Variants in MKLN1 observed in about 807,000 individuals in gnomAD.
MKLN1 encodes the protein muskelin.
MKLN1 carries 18 observed loss-of-function variants against 99.0 expected under a neutral mutation model. The observed-to-expected ratio is 0.18, with a 90% CI of 0.13 to 0.27. The LOEUF (loss-of-function observed/expected upper bound fraction) is 0.27, where lower values mean the gene tolerates loss of function less well. Ranked by LOEUF, MKLN1 falls within the 10% of genes least tolerant of loss-of-function variation. MKLN1 has a pLI of 1.00. For synonymous variants in MKLN1, 288 were observed against 293.2 expected (o/e 0.98, Z 0.18); for missense variants, 621 against 875.9 (o/e 0.71, Z 3.67).
chr7:131,466,265 G>A lies in MKLN1; in HGVS notation c.1789-11G>A. On this transcript the variant is annotated splice_polypyrimidine_tract_variant and intron_variant, in intron 14 of 17. Coordinates refer to ENST00000352689, the MANE Select transcript of MKLN1 (RefSeq NM_013255.5). ...CATTTTTAAAAATCTGGCTTATTTT[G>A]CTTATTATAGGTTCATTACTTATTT... The A allele has an allele frequency of 1.3e-6, 2 of 1,567,260 alleles. No individual in the cohort carries two copies. The highest frequency in any genetic ancestry group is 1.2e-5 in the South Asian group (1 of 83,486).
chr7:131,140,625 G>A (rs909630039), intron 1 of MKLN1, among the ~76,000 whole-genome samples: 1 of 152,140 alleles, frequency 6.6e-6, no homozygotes, highest in African/African-American at 2.4e-5. Context: ...GTGAGTAAAA[G>A]CTTCCTGAGA....
chr7:131,243,105 T>C, intron 3 of MKLN1: 1 of 379,096 alleles, frequency 2.6e-6, no homozygotes, highest in East Asian at 5.4e-5. Flanking sequence ...TGAAGTACAT[T>C]TGAGACAATA....
At chr7:131,390,953 A>G (rs1794181337) in intron 4 of MKLN1, among the ~76,000 whole-genome samples, 1 of 152,048 alleles carries the variant, frequency 6.6e-6, no homozygotes, top group African/African-American at 2.4e-5. Context: ...CCCATTTTCT[A>G]TTTAGGATAT....
At chr7:131,148,199 C>T (rs558252165) in intron 2 of MKLN1, among the ~76,000 whole-genome samples, 137 of 152,260 alleles carry the variant, frequency 9.0e-4, no homozygotes, top group African/African-American at 2.9e-3. Flanking sequence ...CAGGCATGAA[C>T]TACCACATCT....
chr7:131,256,306 A>C (rs1309537479), intron 3 of MKLN1, among the ~76,000 whole-genome samples: 3 of 152,250 alleles, frequency 2.0e-5, no homozygotes, highest in Non-Finnish European at 2.9e-5. Flanking sequence ...TTGCTAGATT[A>C]CTGACTTTGC....
intron 3 of MKLN1, among the ~76,000 whole-genome samples, chr7:131,305,785 C>G (rs1018844227): frequency 6.6e-6 from 1 of 152,174 alleles, no homozygotes; most frequent in Non-Finnish European, 1.5e-5. Flanking sequence ...ACATCACAGC[C>G]TTTCCATAAA....
At chr7:131,330,625 A>C (rs1308367321) in intron 1 of MKLN1, among the ~76,000 whole-genome samples, 1 of 152,222 alleles carries the variant, frequency 6.6e-6, no homozygotes, top group East Asian at 1.9e-4. Context: ...GCTTCTGCAC[A>C]AAGGTATATA....
At chr7:131,458,464 G>A (rs751313259) in intron 12 of MKLN1, among the ~76,000 whole-genome samples, 7 of 152,076 alleles carry the variant, frequency 4.6e-5, no homozygotes, top group Non-Finnish European at 7.4e-5. Flanking sequence ...GAACCATGGC[G>A]GAAAGGGAAA....
intron 2 of MKLN1, chr7:131,142,969 T>C (rs1411124728): frequency 4.6e-6 from 6 of 1,301,466 alleles, no homozygotes; most frequent in Non-Finnish European, 5.1e-6. Context: ...AGTTTTTTCT[T>C]TCTTTAGTTG....
chr7:131,412,210 G>T lies in MKLN1; in HGVS notation c.781+827G>T, dbSNP rs369436035. Among the ~76,000 whole-genome samples, 7 of 152,224 alleles carry T rather than the reference G, an allele frequency of 4.6e-5. No homozygotes were observed. In the East Asian group the frequency reaches 9.6e-4, roughly 21 times the overall value. On this transcript the variant is annotated intron_variant, in intron 7 of 17. Coordinates refer to ENST00000352689, the MANE Select transcript of MKLN1 (RefSeq NM_013255.5). ...TAAAATTTTCTTTTTAAACCTTTTTGATTTACTGCCGTAACAGAAGGTTGG... is the reference window on the plus strand; with the variant it reads ...TAAAATTTTCTTTTTAAACCTTTTTTATTTACTGCCGTAACAGAAGGTTGG...
intron 2 of MKLN1, among the ~76,000 whole-genome samples, chr7:131,181,799 ATAGG>A (rs2116360529): frequency 6.6e-6 from 1 of 152,110 alleles, no homozygotes; most frequent in African/African-American, 2.4e-5. Flanking sequence ...AGCTGGGACT[ATAGG>A]CGCAAGCCAC....
intron 2 of MKLN1, 95 bp from the exon 3 acceptor site, chr7:131,387,025 C>T: frequency 4.3e-6 from 5 of 1,169,730 alleles, no homozygotes; most frequent in Non-Finnish European, 6.0e-6. Flanking sequence ...AAGGATGGAC[C>T]TTATACATTC....
chr7:131,275,569 T>TATA (rs1563275790), intron 3 of MKLN1, among the ~76,000 whole-genome samples: 14 of 49,796 alleles, frequency 2.8e-4, no homozygotes, highest in African/African-American at 7.3e-4. Flanking sequence ...ATATATATAT[T>TATA]TTTTTTTTTT....
In MKLN1 at chr7:131,470,718, A is replaced by G. The variant is rs1030578104; in HGVS notation, c.1929-124A>G. 1.8e-5 allele frequency: 12 copies of G among 673,106 alleles called. No homozygotes were observed. The East Asian group carries it at 2.0e-4, about 11-fold the overall frequency. 41.7% of individuals were successfully genotyped at this position (673,106 alleles called of 1,614,324 possible). On this transcript the variant is annotated intron_variant, in intron 15 of 17. Coordinates refer to ENST00000352689, the MANE Select transcript of MKLN1 (RefSeq NM_013255.5). ...GTTAATTCTGGATTCCTAAACTGACATTTTCTAAATATCCAGAACAACTCC... is the reference window on the plus strand; with the variant it reads ...GTTAATTCTGGATTCCTAAACTGACGTTTTCTAAATATCCAGAACAACTCC...
chr7:131,295,223 T>A (rs941261245), intron 3 of MKLN1, among the ~76,000 whole-genome samples: 24 of 152,124 alleles, frequency 1.6e-4, no homozygotes, highest in Admixed American at 1.4e-3. Flanking sequence ...CCCAGGCTGG[T>A]CTCAAACTCC....
At chr7:131,137,326 A>G (rs930142305) in intron 1 of MKLN1, among the ~76,000 whole-genome samples, 3 of 152,198 alleles carry the variant, frequency 2.0e-5, no homozygotes, top group African/African-American at 4.8e-5. Context: ...AAGAGTGTCA[A>G]TGACTTTACA....
rs1797291661 is a variant in MKLN1, at chr7:131,234,766, CCT to C, written c.-179+31800_-179+31801del. 7.2e-5 allele frequency among the ~76,000 whole-genome samples: 11 copies of C among 152,296 alleles called. No individual in the cohort carries two copies. In the South Asian group the frequency reaches 2.3e-3, roughly 32 times the overall value. The stretch of plus-strand genomic sequence containing the variant: ...GGAACTTTGCTTTTTGCCCAAAATA[CCT>C]CTCTCTCCCAAAGCAATTTCCCCTC... On this transcript the variant is annotated intron_variant, in intron 3 of 7. Coordinates refer to the MKLN1 transcript ENST00000416992.
chr7:131,352,767 G>T (rs1799757006), intron 1 of MKLN1, among the ~76,000 whole-genome samples: 1 of 152,000 alleles, frequency 6.6e-6, no homozygotes, highest in South Asian at 2.1e-4. Context: ...TATTTTCTGT[G>T]GGTTATGTCA....
chr7:131,458,126 C>T (rs1033639806), intron 12 of MKLN1, among the ~76,000 whole-genome samples: 2 of 152,050 alleles, frequency 1.3e-5, no homozygotes, highest in African/African-American at 4.8e-5. Context: ...AAGCAGATGA[C>T]CTGTAAGGGA....
Sources: allele counts gnomAD v4.1 joint callset (sites outside exome capture counted in the v4.1 genomes callset), GRCh38; gene constraint gnomAD v4.1.1; transcripts MANE v1.5; gene names NCBI Gene and HGNC (gene_info 2026-07-23, HGNC 2026-07-21).